The following NPR2 variants were observed in gnomAD, a reference collection of about 807,000 sequenced individuals.
The protein encoded by NPR2 is natriuretic peptide receptor 2, also known as atrial natriuretic peptide receptor 2.
Under a neutral mutation model 120.7 loss-of-function variants are expected in NPR2, and 49 were observed. The ratio of observed to expected loss-of-function variants is 0.41; its 90% confidence interval spans 0.32 to 0.52. The LOEUF (loss-of-function observed/expected upper bound fraction) is 0.52. NPR2 is among the 20% of genes least tolerant of loss of function. NPR2 has a pLI of 0.36. For synonymous variants in NPR2, 484 were observed against 519.8 expected (o/e 0.93, Z 0.94); for missense variants, 931 against 1,362.9 (o/e 0.68, Z 4.99).
In NPR2 at chr9:35,807,414, G is replaced by A. The variant is rs531827260; in HGVS notation, c.2712+16G>A. ...TGTCTACAAGGTGAGAGCTGGGGCC[G>A]CTGTTCAATAGAAGACCCTTTAATA... is the stretch of plus-strand genomic sequence containing the variant. On this transcript the variant is annotated intron_variant, in intron 18 of 21. Coordinates refer to ENST00000342694, the MANE Select transcript of NPR2 (RefSeq NM_003995.4). The A allele has an allele frequency of 5.2e-6, 7 of 1,337,044 alleles. No homozygotes were observed. The highest frequency in any genetic ancestry group is 5.3e-5 in the East Asian group (2 of 37,928). 82.8% of individuals were successfully genotyped at this position (1,337,044 alleles called of 1,614,324 possible). A position where few individuals can be genotyped will look rare whatever the true frequency, so the allele number is the denominator to read the frequency against.
chr9:35,799,844 C>T lies in NPR2; in HGVS notation c.987+113C>T, dbSNP rs148581081. ...AGCAAGCCCAACTTTGGGGGGTCTCCGCTTCTGTCCAGGATTTTTCCTTCT... is the reference window on the plus strand; with the variant it reads ...AGCAAGCCCAACTTTGGGGGGTCTCTGCTTCTGTCCAGGATTTTTCCTTCT... On this transcript the variant is annotated intron_variant, in intron 3 of 21. Coordinates refer to ENST00000342694, the MANE Select transcript of NPR2 (RefSeq NM_003995.4). The T allele has an allele frequency of 8.0e-5, 110 of 1,367,042 alleles. No individual in the cohort carries two copies. The Middle Eastern group carries it at 1.5e-3, about 19-fold the overall frequency. 84.7% of individuals were successfully genotyped at this position (1,367,042 alleles called of 1,614,324 possible).
chr9:35,807,045 C>A lies in NPR2; in HGVS notation c.2542C>A (p.Arg848=). The part of the protein sequence containing the change: ...LPHSVAEQLK[R]GETVQAEAFD... ...TAGTTCAGTGGCAGAGCAGTTAAAA[C>A]GGGGAGAGACTGTACAGGCTGAGGC... Residue 848 remains arginine (R), a synonymous_variant, in exon 17 of 22, where the codon CGG becomes AGG. Transcript: ENST00000342694. 6.2e-7 allele frequency: 1 copy of A among 1,613,986 alleles called. No individual in the cohort carries two copies. The highest frequency in any genetic ancestry group is 8.5e-7 in the Non-Finnish European group (1 of 1,179,918).
chr9:35,805,986 G>T lies in NPR2; in HGVS notation c.2203+1G>T. 6.2e-7 allele frequency: 1 copy of T among 1,614,182 alleles called. No homozygotes were observed. The highest frequency in any genetic ancestry group is 8.5e-7 in the Non-Finnish European group (1 of 1,180,032). On this transcript the variant is annotated splice_donor_variant, in intron 14 of 21. Transcript: ENST00000342694. LOFTEE classifies it high-confidence loss of function. The surrounding 1 kb of genome is among the most constrained non-coding windows in gnomAD (Gnocchi z 4.9). ...GAGGGCCTGGACCTCAGCCCCAAAG[G>T]TAAGAGTCAATCCACTACCCACAGC...
Position 35,792,960 on chromosome 9 carries a change from C to G in NPR2, c.552C>G (p.Ile184Met), listed in dbSNP as rs771425603. The change falls in exon 1 of 22, where the codon ATC becomes ATG. Residue 184 changes from isoleucine to methionine, a missense_variant. Around this residue, in one of 3 missense-constraint regions of NPR2, gnomAD observed 681 missense variants for 974.3 expected, o/e 0.70. Coordinates refer to ENST00000342694, the MANE Select transcript of NPR2 (RefSeq NM_003995.4). The stretch of plus-strand genomic sequence containing the variant: ...ATGACCGGCCTCACTACTTCACCAT[C>G]GAGGGCGTCTTTGAGGCCCTGCAGG... ...RTDDRPHYFT[I>M]EGVFEALQGS... is the part of the protein sequence containing the mutation. 2 of 1,613,942 alleles carry G rather than the reference C, an allele frequency of 1.2e-6. No homozygotes were observed. The highest frequency in any genetic ancestry group is 4.5e-5 in the East Asian group (2 of 44,882).
chr9:35,801,557 TG>T, intron 7 of NPR2, 85 bp from the exon 8 acceptor site: 1 of 1,451,216 alleles, frequency 6.9e-7, no homozygotes, highest in Non-Finnish European at 9.7e-7. Context: ...CTTCAGGAGC[TG>T]CAGGGAAGCC....
chr9:35,799,417 A>AACACACAC (rs10603903), intron 2 of NPR2, among the ~76,000 whole-genome samples: 3 of 147,544 alleles, frequency 2.0e-5, no homozygotes, highest in African/African-American at 7.4e-5. Context: ...TATGCAACAC[A>AACACACAC]ACACACACAC....
chr9:35,796,973 G>A (rs1563985466), intron 2 of NPR2, among the ~76,000 whole-genome samples: 1 of 152,180 alleles, frequency 6.6e-6, no homozygotes, highest in Non-Finnish European at 1.5e-5. Context: ...TTCCAGGAGG[G>A]TATCATGCTC....
rs1310272580 is a variant in NPR2, at chr9:35,791,874, C to G, written c.-535C>G. ...CCCCTGCCTTCCCCTGCCCTCCGGC[C>G]CAGGCCTCGCTTCGCTCCCCGCCTG... is the stretch of plus-strand genomic sequence containing the variant. On this transcript the variant is annotated 5_prime_UTR_variant, in exon 1 of 22. Coordinates refer to ENST00000342694, the MANE Select transcript of NPR2 (RefSeq NM_003995.4). 6.6e-6 allele frequency among the ~76,000 whole-genome samples: 1 copy of G among 151,966 alleles called. No individual in the cohort carries two copies. The highest frequency in any genetic ancestry group is 1.5e-5 in the Non-Finnish European group (1 of 67,922).
chr9:35,809,261 A>C lies in NPR2; in HGVS notation c.3078+14A>C. 1 of 1,609,238 alleles carries C rather than the reference A, an allele frequency of 6.2e-7. No homozygotes were observed. Among genetic ancestry groups the C allele is most frequent in the Non-Finnish European group, 8.5e-7 (1 of 1,175,686 alleles). ...GTGGAAATGAAGGTGATGGCAGGCC[A>C]TGGGGAGGGGGGCATGGAAAGGGAG... On this transcript the variant is annotated intron_variant, in intron 21 of 21. Coordinates refer to ENST00000342694, the MANE Select transcript of NPR2 (RefSeq NM_003995.4). The surrounding 1 kb of genome is among the most constrained non-coding windows in gnomAD (Gnocchi z 4.1).
rs1828108048 is a variant in NPR2, at chr9:35,800,490, G to A, written c.1218+7G>A. On this transcript the variant is annotated splice_region_variant and intron_variant, in intron 5 of 21. Transcript: ENST00000342694. This position sits in a 1 kb window ranked among gnomAD's most constrained non-coding sequence, Gnocchi z 4.7. ...GGATTCTGGGGACTTTCAGGTGATG[G>A]AGGAGGAGGCAGGGAAGAGAGTGTG... 3 of 1,610,026 alleles carry A rather than the reference G, an allele frequency of 1.9e-6. No individual in the cohort carries two copies. Among genetic ancestry groups the A allele is most frequent in the Non-Finnish European group, 2.6e-6 (3 of 1,176,268 alleles).
At position 35,800,690 on chromosome 9, in the gene NPR2, G is replaced by C; in HGVS notation, c.1219-19G>C. 1 of 1,614,112 alleles carries C rather than the reference G, an allele frequency of 6.2e-7. No individual in the cohort carries two copies. Among genetic ancestry groups the C allele is most frequent in the Non-Finnish European group, 8.5e-7 (1 of 1,180,012 alleles). On this transcript the variant is annotated intron_variant, in intron 5 of 21. Coordinates refer to ENST00000342694, the MANE Select transcript of NPR2 (RefSeq NM_003995.4). This position sits in a 1 kb window ranked among gnomAD's most constrained non-coding sequence, Gnocchi z 4.7. ...TGGTGGGAGCAGGCCTGTGGGCCCAGCTTTTTGCTTCCTTACAGCCTGCAG... is the reference window on the plus strand; with the variant it reads ...TGGTGGGAGCAGGCCTGTGGGCCCACCTTTTTGCTTCCTTACAGCCTGCAG...
chr9:35,801,124 T>C lies in NPR2; in HGVS notation c.1406T>C (p.Met469Thr), dbSNP rs1293948745. Residue 469 changes from methionine to threonine, a missense_variant, in exon 7 of 22, where the codon ATG becomes ACG. By Grantham distance (81) the Met-to-Thr change is moderately conservative. Around this residue, in one of 3 missense-constraint regions of NPR2, gnomAD observed 681 missense variants for 974.3 expected, o/e 0.70. Coordinates refer to ENST00000342694, the MANE Select transcript of NPR2 (RefSeq NM_003995.4). ...CTGGGCACAGGAATCACCTTCATCA[T>C]GTTTGGTGTTTCCAGCTTCCTAATT... ...VALGTGITFIMFGVSSFLIFR... is the reference protein window; with the variant it reads ...VALGTGITFITFGVSSFLIFR... 1.1e-5 allele frequency: 18 copies of C among 1,613,858 alleles called. No homozygotes were observed. The highest frequency in any genetic ancestry group is 2.2e-5 in the East Asian group (1 of 44,892).
intron 2 of NPR2, among the ~76,000 whole-genome samples, chr9:35,794,430 T>C (rs949933610): frequency 3.9e-5 from 6 of 152,160 alleles, no homozygotes; most frequent in Admixed American, 3.3e-4. Flanking sequence ...CTTCCACCCT[T>C]TATGGAGAGG....
In NPR2 at chr9:35,809,063, G is replaced by A; in HGVS notation, c.2987-93G>A. 8.1e-7 allele frequency: 1 copy of A among 1,234,536 alleles called. No homozygotes were observed. Among genetic ancestry groups the A allele is most frequent in the Non-Finnish European group, 1.2e-6 (1 of 837,626 alleles). The allele number at this position is 1,234,536 out of a possible 1,614,324, so 76.5% of individuals were successfully genotyped here. A position where few individuals can be genotyped will look rare whatever the true frequency, so the allele number is the denominator to read the frequency against. On this transcript the variant is annotated intron_variant, in intron 20 of 21. Coordinates refer to ENST00000342694, the MANE Select transcript of NPR2 (RefSeq NM_003995.4). This position sits in a 1 kb window ranked among gnomAD's most constrained non-coding sequence, Gnocchi z 4.1. ...CATTGGGAGCTTCCCAGGGATGGTTGGTCGGGCACGGTGCTATACAGTATC... is the reference window on the plus strand; with the variant it reads ...CATTGGGAGCTTCCCAGGGATGGTTAGTCGGGCACGGTGCTATACAGTATC...
Position 35,792,522 on chromosome 9 carries a change from T to C in NPR2, c.114T>C (p.Tyr38=). The C allele has an allele frequency of 6.2e-7, 1 of 1,610,750 alleles. No individual in the cohort carries two copies. Among genetic ancestry groups the C allele is most frequent in the Non-Finnish European group, 8.5e-7 (1 of 1,179,930 alleles). The change falls in exon 1 of 22, where the codon TAT becomes TAC. Residue 38 remains tyrosine, a synonymous_variant. Transcript: ENST00000342694. The part of the protein sequence containing the change: ...AVVLPEHNLS[Y]AWAWPRVGPA... The stretch of plus-strand genomic sequence containing the variant: ...TGCTGCCAGAACACAACCTGAGCTA[T>C]GCCTGGGCCTGGCCACGGGTGGGAC...
At chr9:35,801,894 TC>T in intron 8 of NPR2, 31 bp from the exon 9 acceptor site, 1 of 1,612,348 alleles carries the variant, frequency 6.2e-7, no homozygotes. Context: ...GTTCCTTTCA[TC>T]CTTCCGCCTC....
Position 35,802,173 on chromosome 9 carries a change from CA to C in NPR2, c.1633-32del, listed in dbSNP as rs1226778557. 1 of 1,453,254 alleles carries C rather than the reference CA, an allele frequency of 6.9e-7. No homozygotes were observed. Among genetic ancestry groups the C allele is most frequent in the African/African-American group, 1.4e-5 (1 of 71,746 alleles). 90.0% of individuals were successfully genotyped at this position (1,453,254 alleles called of 1,614,324 possible). On this transcript the variant is annotated intron_variant, in intron 9 of 21. Coordinates refer to ENST00000342694, the MANE Select transcript of NPR2 (RefSeq NM_003995.4). This position sits in a 1 kb window ranked among gnomAD's most constrained non-coding sequence, Gnocchi z 4.2. ...CCTTGTACCCAGAACTTCTGATATTCACTTTCCTTTCCCCTTTCACTCCCAC... is the reference window on the plus strand; with the variant it reads ...CCTTGTACCCAGAACTTCTGATATTCCTTTCCTTTCCCCTTTCACTCCCAC...
chr9:35,809,175 C>G lies in NPR2; in HGVS notation c.3006C>G (p.Ser1002=). The G allele has an allele frequency of 6.2e-7, 1 of 1,614,050 alleles. No homozygotes were observed. ...CCCCAGCGCTGAAGATCCATGTCTC[C>G]TCTACCACCAAGGATGCCCTAGATG... is the stretch of plus-strand genomic sequence containing the variant. ...SNGQALKIHV[S]STTKDALDEL... The change falls in exon 21 of 22, where the codon TCC becomes TCG. Residue 1002 remains serine (S), a synonymous_variant. Coordinates refer to ENST00000342694, the MANE Select transcript of NPR2 (RefSeq NM_003995.4). This position sits in a 1 kb window ranked among gnomAD's most constrained non-coding sequence, Gnocchi z 4.1.
Position 35,809,262 on chromosome 9 carries a change from T to C in NPR2, c.3078+15T>C, listed in dbSNP as rs1478874675. ...TGGAAATGAAGGTGATGGCAGGCCA[T>C]GGGGAGGGGGGCATGGAAAGGGAGG... On this transcript the variant is annotated intron_variant, in intron 21 of 21. Coordinates refer to ENST00000342694, the MANE Select transcript of NPR2 (RefSeq NM_003995.4). This position sits in a 1 kb window ranked among gnomAD's most constrained non-coding sequence, Gnocchi z 4.1. The C allele has an allele frequency of 1.9e-6, 3 of 1,609,962 alleles. No individual in the cohort carries two copies. Among genetic ancestry groups the C allele is most frequent in the Middle Eastern group, 1.7e-4 (1 of 6,054 alleles).
Sources: allele counts gnomAD v4.1 joint callset (sites outside exome capture counted in the v4.1 genomes callset), GRCh38; gene constraint gnomAD v4.1.1; regional missense constraint gnomAD v4.1.1; non-coding constraint Gnocchi (gnomAD v3.1); transcripts MANE v1.5; gene names NCBI Gene and HGNC (gene_info 2026-07-23, HGNC 2026-07-21).